SLC37A3: variants seen among roughly 807,000 people sequenced by gnomAD.
The protein encoded by SLC37A3 is sugar phosphate exchanger 3.
A neutral mutation model predicts 67.1 loss-of-function variants in SLC37A3; 51 were observed. That is an observed-to-expected ratio of 0.76 (90% CI 0.61 to 0.96). The LOEUF is 0.96. Among genes scored for constraint, SLC37A3 ranks in the 40% least tolerant of loss-of-function variants. The pLI is 0.00. For missense variants in SLC37A3, 508 were observed against 603.0 expected, an observed-to-expected ratio of 0.84 and a Z score of 1.65; for synonymous variants, 214 against 231.4, an observed-to-expected ratio of 0.92 and a Z score of 0.68.
chr7:140,358,477 A>G lies in SLC37A3; in HGVS notation c.521+163T>C, dbSNP rs80068743. 8.8e-3 allele frequency among the ~76,000 whole-genome samples: 1,345 copies of G among 152,272 alleles called. 21 individuals are homozygous for G. Among genetic ancestry groups the G allele is most frequent in the African/African-American group, 0.031 (1,273 of 41,552 alleles). On this transcript the variant is annotated intron_variant, in intron 6 of 14. Transcript: ENST00000326232. ...ACTTCTAAGGTCCACACCATTTCCA[A>G]CGCACACTGACGTGAAACCCTCTCT... is the stretch of plus-strand genomic sequence containing the variant.
chr7:140,377,192 G>A (rs558604054), intron 3 of SLC37A3, among the ~76,000 whole-genome samples: 9 of 151,710 alleles, frequency 5.9e-5, no homozygotes, highest in Admixed American at 1.3e-4. Flanking sequence ...TGATATGCCC[G>A]CCTCGGCCTC....
intron 3 of SLC37A3, among the ~76,000 whole-genome samples, chr7:140,379,646 C>A (rs941403079): frequency 6.6e-5 from 10 of 151,524 alleles, no homozygotes; most frequent in Admixed American, 5.3e-4. Flanking sequence ...TAATCCCAAC[C>A]CTTTGGGAGG....
At chr7:140,337,098 C>CAAAAAA (rs1172096190) in intron 14 of SLC37A3, among the ~76,000 whole-genome samples, 186 bp downstream of exon 14, 24 of 69,390 alleles carry the variant, frequency 3.5e-4, no homozygotes, top group Admixed American at 5.3e-4. Flanking sequence ...GACTCTGCCT[C>CAAAAAA]AAAAAAAAAA....
chr7:140,380,707 C>T (rs939047813), intron 2 of SLC37A3, among the ~76,000 whole-genome samples: 1 of 151,816 alleles, frequency 6.6e-6, no homozygotes, highest in Non-Finnish European at 1.5e-5. Flanking sequence ...ACGCCCAGTG[C>T]ACCTGTCATC....
chr7:140,358,083 A>T (rs1797108519), intron 6 of SLC37A3, among the ~76,000 whole-genome samples: 1 of 152,042 alleles, frequency 6.6e-6, no homozygotes. Context: ...TCAAAAACAA[A>T]AAAGAAAAAA....
chr7:140,367,123 G>A (rs1481356202), intron 4 of SLC37A3, among the ~76,000 whole-genome samples: 1 of 150,146 alleles, frequency 6.7e-6, no homozygotes, highest in Non-Finnish European at 1.5e-5. Flanking sequence ...GGGCAACACA[G>A]CAAGACTCCA....
rs978403566 is a variant in SLC37A3 at position 140,384,040 on chromosome 7, C to T, written c.-70-1444G>A. On this transcript the variant is annotated intron_variant, in intron 1 of 14. Coordinates refer to ENST00000326232, the MANE Select transcript of SLC37A3 (RefSeq NM_207113.3). ...GCACCCATGCTCTGATATCCAAGAA[C>T]AATTACGCATAAAGTAAGCAGCTAA... Among the ~76,000 whole-genome samples the T allele has an allele frequency of 3.3e-5, 5 of 152,212 alleles. No homozygotes were observed. In the East Asian group the frequency reaches 9.7e-4, roughly 29 times the overall value.
At chr7:140,352,199 A>G in intron 7 of SLC37A3, 53 bp from the exon 8 acceptor site, 1 of 1,175,116 alleles carries the variant, frequency 8.5e-7, no homozygotes, top group Non-Finnish European at 1.2e-6. Flanking sequence ...CAGTCATCAC[A>G]AGCACATTCA....
intron 3 of SLC37A3, among the ~76,000 whole-genome samples, chr7:140,377,606 ACT>A (rs1226326196): frequency 6.6e-6 from 1 of 152,116 alleles, no homozygotes; most frequent in Non-Finnish European, 1.5e-5. Flanking sequence ...TGTCTACTGA[ACT>A]CTTTTTGTAA....
At chr7:140,387,469 G>T (rs915943268) in intron 1 of SLC37A3, among the ~76,000 whole-genome samples, 5 of 150,256 alleles carry the variant, frequency 3.3e-5, no homozygotes, top group African/African-American at 9.8e-5. Flanking sequence ...CAAAAAATTA[G>T]CCGGGCGTGG....
intron 5 of SLC37A3, among the ~76,000 whole-genome samples, chr7:140,360,435 G>A (rs1015741234): frequency 1.8e-4 from 27 of 152,056 alleles, no homozygotes; most frequent in Non-Finnish European, 2.2e-4. Context: ...AAGCAATGAC[G>A]ATTAGTCAGA....
intron 1 of SLC37A3, among the ~76,000 whole-genome samples, chr7:140,397,013 A>G (rs1798959575): frequency 1.3e-5 from 2 of 149,976 alleles, no homozygotes; most frequent in African/African-American, 4.9e-5. Context: ...CATCATGGCC[A>G]ATATGGTGAA....
chr7:140,375,741 C>T (rs1798008060), intron 3 of SLC37A3, among the ~76,000 whole-genome samples: 1 of 152,152 alleles, frequency 6.6e-6, no homozygotes, highest in Admixed American at 6.6e-5. Flanking sequence ...TCCAAAGCAC[C>T]GGAACTAATT....
At position 140,351,358 on chromosome 7, in the gene SLC37A3, T is replaced by C. The variant is rs1796789437; in HGVS notation, c.797A>G (p.Asn266Ser). Reference sequence around the variant, plus strand: ...AGAACTATCATCTTGGATTGAATAATTCGGCTCATATTCGTCTTCATTTTC... The same window carrying C: ...AGAACTATCATCTTGGATTGAATAACTCGGCTCATATTCGTCTTCATTTTC... ...GGENEDEYEPNYSIQDDSSVA... is the reference protein window; with the variant it reads ...GGENEDEYEPSYSIQDDSSVA... Residue 266 changes from asparagine (N) to serine (S), a missense_variant, in exon 9 of 15, where the codon AAT becomes AGT. Coordinates refer to ENST00000326232, the MANE Select transcript of SLC37A3 (RefSeq NM_207113.3). 3 of 1,614,088 alleles carry C rather than the reference T, an allele frequency of 1.9e-6. No individual in the cohort carries two copies. The highest frequency in any genetic ancestry group is 1.7e-6 in the Non-Finnish European group (2 of 1,180,044).
intron 3 of SLC37A3, among the ~76,000 whole-genome samples, chr7:140,379,721 C>T: frequency 6.8e-6 from 1 of 146,208 alleles, no homozygotes; most frequent in Non-Finnish European, 1.5e-5. Context: ...GGTGAAACCC[C>T]ATCTCTACAA....
chr7:140,338,341 A>T (rs1796224157), intron 13 of SLC37A3, among the ~76,000 whole-genome samples: 1 of 152,208 alleles, frequency 6.6e-6, no homozygotes, highest in Non-Finnish European at 1.5e-5. Context: ...AGCCCTTGCT[A>T]ACCTCTTCTT....
In SLC37A3 at chr7:140,355,682, G is replaced by T. The variant is rs752179919; in HGVS notation, c.604C>A (p.Gln202Lys). 2.0e-5 allele frequency: 33 copies of T among 1,613,620 alleles called. No homozygotes were observed. Among genetic ancestry groups the T allele is most frequent in the Admixed American group, 6.7e-5 (4 of 59,964 alleles). The change falls in exon 7 of 15, where the codon CAG (glutamine) becomes AAG (lysine). Residue 202 changes from glutamine (Q) to lysine (K), a missense_variant. Transcript: ENST00000326232. Reference protein sequence around the residue: ...LGACLASSVLQYGYEYAFLVT... With the variant: ...LGACLASSVLKYGYEYAFLVT... ...ACAATACCTACCTCATAACCATACT[G>T]AAGAACAGAAGAAGCTAGGCACGCT...
At chr7:140,360,254 G>A (rs1445108758) in intron 5 of SLC37A3, among the ~76,000 whole-genome samples, 2 of 152,118 alleles carry the variant, frequency 1.3e-5, no homozygotes, top group Non-Finnish European at 2.9e-5. Context: ...GCTAAAATGG[G>A]AGGATTGCTC....
chr7:140,345,830 G>C (rs770039503), intron 11 of SLC37A3, 39 bp downstream of exon 11: 9 of 1,484,726 alleles, frequency 6.1e-6, no homozygotes, highest in Non-Finnish European at 7.5e-6. Context: ...AACCAGATTA[G>C]GGGAGCAAAG....
Sources: gnomAD v4.1 joint callset for allele counts (sites outside exome capture counted in the v4.1 genomes callset) on GRCh38, gnomAD v4.1.1 for gene constraint, MANE v1.5 for transcripts, NCBI Gene and HGNC (gene_info 2026-07-23, HGNC 2026-07-21) for gene names.